The following SLC24A2 variants were observed in gnomAD, a reference collection of about 807,000 sequenced individuals.
The protein encoded by SLC24A2 is solute carrier family 24 member 2.
Under a neutral mutation model 62.0 loss-of-function variants are expected in SLC24A2, and 36 were observed. That is an observed-to-expected ratio of 0.58 (90% CI 0.44 to 0.77). SLC24A2 has a LOEUF of 0.77. Among genes scored for constraint, SLC24A2 ranks in the 30% least tolerant of loss-of-function variants. The pLI is 0.00. For missense variants in SLC24A2, 846 were observed against 817.9 expected (o/e 1.03, Z -0.42); for synonymous variants, 358 against 294.0 (o/e 1.22, Z -2.23).
the SLC24A2 span, among the ~76,000 whole-genome samples, chr9:19,905,256 C>G: frequency 4.7e-4 from 72 of 152,164 alleles, 1 homozygote; most frequent in South Asian, 0.011. Flanking sequence ...GAAATGAGGG[C>G]CCATTAGGCA....
At chr9:20,119,330 A>AT in the SLC24A2 span, among the ~76,000 whole-genome samples, 17,032 of 152,058 alleles carry the variant, frequency 0.11, 1,003 homozygotes, top group Middle Eastern at 0.17. Context: ...AAATCACTAC[A>AT]TTTTTTTGTA....
the SLC24A2 span, among the ~76,000 whole-genome samples, chr9:20,199,317 T>C: frequency 6.6e-6 from 1 of 152,192 alleles, no homozygotes; most frequent in African/African-American, 2.4e-5. Context: ...TTAGTCACTG[T>C]TGAGCACCTA....
chr9:20,024,970 C>G, the SLC24A2 span, among the ~76,000 whole-genome samples: 1 of 152,160 alleles, frequency 6.6e-6, no homozygotes, highest in African/African-American at 2.4e-5. Flanking sequence ...CTTCTGTACC[C>G]TCTTCCCTAG....
At chr9:19,668,766 A>C (rs377545762) in intron 2 of SLC24A2, among the ~76,000 whole-genome samples, 32 of 152,248 alleles carry the variant, frequency 2.1e-4, no homozygotes, top group East Asian at 9.7e-4. Flanking sequence ...CATGGCCTCC[A>C]CCATATTCTA....
chr9:20,241,566 T>C, the SLC24A2 span, among the ~76,000 whole-genome samples: 6 of 152,200 alleles, frequency 3.9e-5, no homozygotes, highest in African/African-American at 1.4e-4. Context: ...TAGTACCTGG[T>C]ACAAAATAGT....
At chr9:19,634,342 G>A (rs1159607415) in intron 2 of SLC24A2, among the ~76,000 whole-genome samples, 1 of 136,256 alleles carries the variant, frequency 7.3e-6, no homozygotes, top group East Asian at 2.3e-4. Flanking sequence ...AGGCTGGAGT[G>A]CAATGGTGCG....
the SLC24A2 span, among the ~76,000 whole-genome samples, chr9:20,162,295 A>C: frequency 1.3e-5 from 2 of 151,794 alleles, no homozygotes; most frequent in Admixed American, 6.6e-5. Flanking sequence ...TATAATTCAA[A>C]AGAGAAAACT....
At chr9:19,811,675 C>T in the SLC24A2 span, among the ~76,000 whole-genome samples, 1 of 152,086 alleles carries the variant, frequency 6.6e-6, no homozygotes, top group East Asian at 1.9e-4. Flanking sequence ...CGTGCATCCT[C>T]AATTAATTTT....
At chr9:20,079,259 T>C in the SLC24A2 span, among the ~76,000 whole-genome samples, 4 of 152,156 alleles carry the variant, frequency 2.6e-5, no homozygotes, top group Non-Finnish European at 4.4e-5. Flanking sequence ...TCTGAGAAAA[T>C]AAAGTTATGT....
chr9:20,185,663 T>TC, the SLC24A2 span, among the ~76,000 whole-genome samples: 6 of 108,090 alleles, frequency 5.6e-5, no homozygotes, highest in African/African-American at 2.1e-4. Context: ...AGACTCCATC[T>TC]CAAAAAAAAA....
the SLC24A2 span, among the ~76,000 whole-genome samples, chr9:20,256,509 C>A: frequency 6.6e-6 from 1 of 152,144 alleles, no homozygotes; most frequent in Non-Finnish European, 1.5e-5. Flanking sequence ...CAGTTACCAA[C>A]TGGGGCTTGC....
the SLC24A2 span, among the ~76,000 whole-genome samples, chr9:20,287,918 C>T: frequency 6.6e-6 from 1 of 152,230 alleles, no homozygotes; most frequent in African/African-American, 2.4e-5. Flanking sequence ...AATAAATGCT[C>T]TAAGTCCATT....
At chr9:19,649,737 C>T (rs1049905516) in intron 2 of SLC24A2, among the ~76,000 whole-genome samples, 1 of 152,190 alleles carries the variant, frequency 6.6e-6, no homozygotes, top group Non-Finnish European at 1.5e-5. Context: ...GAAATATGGA[C>T]AGCGGAAAGA....
the SLC24A2 span, among the ~76,000 whole-genome samples, chr9:19,932,918 T>G: frequency 6.6e-6 from 1 of 152,252 alleles, no homozygotes; most frequent in Non-Finnish European, 1.5e-5. Context: ...TTTCACCCTT[T>G]TAAGTCCTTC....
the SLC24A2 span, among the ~76,000 whole-genome samples, chr9:20,113,049 G>T: frequency 7.0e-4 from 107 of 152,142 alleles, 3 homozygotes; most frequent in South Asian, 0.011. Flanking sequence ...ATGCCTGGCA[G>T]CCACCCTACC....
the SLC24A2 span, among the ~76,000 whole-genome samples, chr9:19,880,030 T>C: frequency 6.6e-6 from 1 of 152,296 alleles, no homozygotes; most frequent in Non-Finnish European, 1.5e-5. Flanking sequence ...AAATGACCTA[T>C]AAGAGGAGTT....
the SLC24A2 span, among the ~76,000 whole-genome samples, chr9:20,218,309 A>C: frequency 1.3e-5 from 2 of 152,132 alleles, 1 homozygote; most frequent in Non-Finnish European, 2.9e-5. Flanking sequence ...GACCTCTGTA[A>C]AAGAACCCTT....
chr9:20,299,450 A>G, the SLC24A2 span, among the ~76,000 whole-genome samples: 1 of 152,360 alleles, frequency 6.6e-6, no homozygotes, highest in Middle Eastern at 3.4e-3. Flanking sequence ...CCAAAGCAGC[A>G]TCAATCATTT....
intron 8 of SLC24A2, among the ~76,000 whole-genome samples, chr9:19,547,203 T>G (rs1266245598): frequency 6.6e-6 from 1 of 152,110 alleles, no homozygotes; most frequent in Non-Finnish European, 1.5e-5. Flanking sequence ...CCTAAGAGTC[T>G]TATTTCTGCT....
Sources: allele counts gnomAD v4.1 joint callset (sites outside exome capture counted in the v4.1 genomes callset), GRCh38; gene constraint gnomAD v4.1.1; transcripts MANE v1.5; gene names NCBI Gene and HGNC (gene_info 2026-07-23, HGNC 2026-07-21).